Variants in MAPKAPK5 observed in about 807,000 individuals in gnomAD.
The protein encoded by MAPKAPK5 is MAPK activated protein kinase 5.
MAPKAPK5 carries 30 observed loss-of-function variants against 65.1 expected under a neutral mutation model. The ratio of observed to expected loss-of-function variants is 0.46; its 90% CI spans 0.34 to 0.63. The LOEUF (loss-of-function observed/expected upper bound fraction) is 0.63, where lower values mean the gene tolerates loss of function less well. Ranked by LOEUF, MAPKAPK5 falls within the 20% of genes least tolerant of loss-of-function variation. The pLI, the probability that MAPKAPK5 is intolerant of heterozygous loss-of-function variation, is 0.01. For missense variants in MAPKAPK5, 433 were observed against 581.4 expected, an observed-to-expected ratio of 0.74 and a Z score of 2.63; for synonymous variants, 179 against 204.6, an observed-to-expected ratio of 0.87 and a Z score of 1.07.
At chr12:111,856,641 A>G (rs1310500321) in intron 1 of MAPKAPK5, among the ~76,000 whole-genome samples, 2 of 152,110 alleles carry the variant, frequency 1.3e-5, no homozygotes, top group Non-Finnish European at 2.9e-5. Flanking sequence ...TCCTGACCTC[A>G]GGTGATCCAC....
intron 5 of MAPKAPK5, among the ~76,000 whole-genome samples, chr12:111,869,114 A>T (rs2069699562): frequency 6.9e-6 from 1 of 144,560 alleles, no homozygotes. Flanking sequence ...TAAACTCTGG[A>T]AGGAAGGCAT....
At chr12:111,892,143 C>T (rs1037049701) in intron 13 of MAPKAPK5, among the ~76,000 whole-genome samples, 5 of 152,242 alleles carry the variant, frequency 3.3e-5, no homozygotes, top group African/African-American at 1.2e-4. Context: ...TTGTGTGTAG[C>T]AGCAGATCAT....
intron 1 of MAPKAPK5, among the ~76,000 whole-genome samples, chr12:111,844,383 G>A (rs1339880995): frequency 6.6e-6 from 1 of 151,644 alleles, no homozygotes; most frequent in Non-Finnish European, 1.5e-5. Flanking sequence ...AGTAGAGGTG[G>A]GGTTTCACTG....
intron 7 of MAPKAPK5, among the ~76,000 whole-genome samples, chr12:111,874,003 C>T (rs1281252216): frequency 1.1e-4 from 17 of 152,106 alleles, no homozygotes; most frequent in Admixed American, 1.1e-3. Flanking sequence ...TTTAATTTTC[C>T]TAAAAAATGT....
intron 7 of MAPKAPK5, 34 bp downstream of exon 7, chr12:111,871,214 C>T (rs2069771483): frequency 1.9e-6 from 3 of 1,555,332 alleles, no homozygotes; most frequent in Non-Finnish European, 2.7e-6. Flanking sequence ...TAAGATCTGT[C>T]ACCAAGCTGC....
At chr12:111,875,542 C>T (rs749035017) in intron 7 of MAPKAPK5, among the ~76,000 whole-genome samples, 15 of 152,072 alleles carry the variant, frequency 9.9e-5, no homozygotes, top group Non-Finnish European at 2.1e-4. Context: ...CCCTGCAAGC[C>T]TGCAGAAAGG....
intron 1 of MAPKAPK5, among the ~76,000 whole-genome samples, chr12:111,850,151 C>T (rs1039935088): frequency 6.6e-6 from 1 of 152,244 alleles, no homozygotes; most frequent in East Asian, 1.9e-4. Context: ...GCCTTAGCCT[C>T]CCAAGTAGCT....
At position 111,895,397 on chromosome 12, in the gene MAPKAPK5, AGCCTACATT is replaced by A. The variant is rs1175518493; in HGVS notation, c.*2338_*2346del. 1 of 151,042 alleles carries A rather than the reference AGCCTACATT, an allele frequency of 6.6e-6. No individual in the cohort carries two copies. Among genetic ancestry groups the A allele is most frequent in the Non-Finnish European group, 1.5e-5 (1 of 67,760 alleles). 9.4% of individuals were successfully genotyped at this position (151,042 alleles called of 1,614,324 possible). On this transcript the variant is annotated 3_prime_UTR_variant, in exon 14 of 14. Transcript: ENST00000550735. ...ATTACAGGTGTGAGCCACTGCACCC[AGCCTACATT>A]GGTTCCTTTTTATCTTGGAGAATTT...
At chr12:111,851,940 T>C (rs977773911) in intron 1 of MAPKAPK5, among the ~76,000 whole-genome samples, 1 of 152,176 alleles carries the variant, frequency 6.6e-6, no homozygotes, top group African/African-American at 2.4e-5. Context: ...ATTCAAGAGC[T>C]AATAGACACC....
intron 10 of MAPKAPK5, 97 bp from the exon 11 acceptor site, chr12:111,888,388 CCTT>C (rs2070484579): frequency 1.6e-5 from 24 of 1,472,430 alleles, no homozygotes; most frequent in Non-Finnish European, 2.0e-5. Flanking sequence ...AGTGAAATTA[CCTT>C]CTTAGTACTT....
chr12:111,865,309 T>C lies in MAPKAPK5; in HGVS notation c.96T>C (p.Ile32=), dbSNP rs1467442673. 1.9e-6 allele frequency: 3 copies of C among 1,592,750 alleles called. No individual in the cohort carries two copies. The highest frequency in any genetic ancestry group is 1.7e-6 in the Non-Finnish European group (2 of 1,168,628). ...INWTQKLGAG[I]SGPVRVCVKK... ...GGACTCAGAAGCTGGGAGCTGGAAT[T>C]AGTGGTCCAGTTAGGTAAGAGATCC... Residue 32 remains isoleucine, a synonymous_variant, in exon 2 of 14, where the codon ATT becomes ATC. Coordinates refer to ENST00000550735, the MANE Select transcript of MAPKAPK5 (RefSeq NM_003668.4).
chr12:111,901,687 G>A lies in MAPKAPK5; in HGVS notation c.*8626G>A. ...AAGAGGAGGAGGAGGAAGAAGAGGA[G>A]GAAGAATCAGATTCCTAAGGTTAGA... On this transcript the variant is annotated 3_prime_UTR_variant, in exon 14 of 14. Coordinates refer to ENST00000550735, the MANE Select transcript of MAPKAPK5 (RefSeq NM_003668.4). The A allele has an allele frequency of 2.3e-5, 6 of 257,554 alleles. No homozygotes were observed. The highest frequency in any genetic ancestry group is 4.1e-5 in the South Asian group (1 of 24,498). The allele number at this position is 257,554 out of a possible 1,614,324, so 16.0% of individuals were successfully genotyped here.
At chr12:111,866,516 A>G (rs2069618230) in intron 3 of MAPKAPK5, among the ~76,000 whole-genome samples, 1 of 152,230 alleles carries the variant, frequency 6.6e-6, no homozygotes, top group Admixed American at 6.5e-5. Context: ...TTATTGAAGA[A>G]GGTACTTAAA....
chr12:111,891,133 GC>G lies in MAPKAPK5; in HGVS notation c.1321+992del, dbSNP rs11289748. Among the ~76,000 whole-genome samples, 707 of 151,536 alleles carry G rather than the reference GC, an allele frequency of 4.7e-3. 7 individuals carry two copies. Among genetic ancestry groups the G allele is most frequent in the African/African-American group, 0.016 (646 of 41,294 alleles). ...TTTTGAGATGGAGTCTCCCTCTGTT[GC>G]CCAGGCTGGAATGGAGTGGTGCGAT... is the stretch of plus-strand genomic sequence containing the variant. On this transcript the variant is annotated intron_variant, in intron 13 of 13. Coordinates refer to ENST00000550735, the MANE Select transcript of MAPKAPK5 (RefSeq NM_003668.4).
intron 13 of MAPKAPK5, among the ~76,000 whole-genome samples, chr12:111,891,807 TAA>T (rs57996871): frequency 3.5e-5 from 5 of 141,032 alleles, no homozygotes; most frequent in Admixed American, 7.2e-5. Context: ...ACTCCGTCTT[TAA>T]AAAAAAAAAA....
At chr12:111,889,740 G>T in intron 12 of MAPKAPK5, 1 of 258,638 alleles carries the variant, frequency 3.9e-6, no homozygotes, top group Non-Finnish European at 7.5e-6. Flanking sequence ...TTTGGTCTTT[G>T]GTTGACCAGG....
Position 111,883,469 on chromosome 12 carries a change from T to C in MAPKAPK5, c.661-112T>C. On this transcript the variant is annotated intron_variant, in intron 8 of 13. Coordinates refer to ENST00000550735, the MANE Select transcript of MAPKAPK5 (RefSeq NM_003668.4). The surrounding 1 kb of genome is among the most constrained non-coding windows in gnomAD (Gnocchi z 4.8). ...GCTTTCCTAGTCTCTGTTAAGTGAC[T>C]CTAGTTTATATCAGCCTATATATTG... 1.2e-6 allele frequency: 1 copy of C among 818,848 alleles called. No individual in the cohort carries two copies. The highest frequency in any genetic ancestry group is 2.0e-6 in the Non-Finnish European group (1 of 508,228). The allele number at this position is 818,848 out of a possible 1,614,324, so 50.7% of individuals were successfully genotyped here.
Position 111,870,367 on chromosome 12 carries a change from A to G in MAPKAPK5, c.483+7A>G. On this transcript the variant is annotated splice_region_variant and intron_variant, in intron 6 of 13. Coordinates refer to ENST00000550735, the MANE Select transcript of MAPKAPK5 (RefSeq NM_003668.4). ...TTTTAAGGATAACTCTTTGGTGAGA[A>G]GACTGTTTTTCTGCATTTTAGTGCT... is the stretch of plus-strand genomic sequence containing the variant. 6.2e-7 allele frequency: 1 copy of G among 1,603,606 alleles called. No individual in the cohort carries two copies.
At chr12:111,873,405 G>A (rs972480069) in intron 7 of MAPKAPK5, among the ~76,000 whole-genome samples, 2 of 152,040 alleles carry the variant, frequency 1.3e-5, no homozygotes, top group African/African-American at 2.4e-5. Flanking sequence ...GTGCAATGGC[G>A]CGATCTCGAC....
Sources: allele counts gnomAD v4.1 joint callset (sites outside exome capture counted in the v4.1 genomes callset), GRCh38; gene constraint gnomAD v4.1.1; non-coding constraint Gnocchi (gnomAD v3.1); transcripts MANE v1.5; gene names NCBI Gene and HGNC (gene_info 2026-07-23, HGNC 2026-07-21).